The following SMOC2 variants were observed in gnomAD, a reference collection of about 807,000 sequenced individuals.
SMOC2 encodes the protein SPARC-related modular calcium-binding protein 2.
In SMOC2, 39 loss-of-function variants were observed where a neutral mutation model predicts 61.4. The ratio of observed to expected loss-of-function variants is 0.64; its 90% CI spans 0.49 to 0.83. The LOEUF is 0.83. SMOC2 is among the 40% of genes least tolerant of loss of function. The pLI, the probability that SMOC2 is intolerant of heterozygous loss-of-function variation, is 0.00. For synonymous variants in SMOC2, 247 were observed against 239.9 expected (o/e 1.03, Z -0.27); for missense variants, 556 against 592.9 (o/e 0.94, Z 0.65).
intron 1 of SMOC2, among the ~76,000 whole-genome samples, chr6:168,488,388 C>G (rs746549412): frequency 6.6e-6 from 1 of 152,230 alleles, no homozygotes; most frequent in Admixed American, 6.5e-5. Flanking sequence ...GCTGTAACAA[C>G]ATACCCAGAC....
chr6:168,477,738 A>T (rs1040345584), intron 1 of SMOC2, among the ~76,000 whole-genome samples: 2 of 152,124 alleles, frequency 1.3e-5, no homozygotes, highest in Admixed American at 6.5e-5. Flanking sequence ...GGAGGTGGGG[A>T]AAGTACTTTG....
At chr6:168,442,334 C>T (rs531928646) in intron 1 of SMOC2, among the ~76,000 whole-genome samples, 1 of 152,346 alleles carries the variant, frequency 6.6e-6, no homozygotes, top group East Asian at 1.9e-4. Flanking sequence ...CCAACGCACG[C>T]GGTGTCAAAC....
intron 1 of SMOC2, among the ~76,000 whole-genome samples, chr6:168,468,741 C>T (rs991174503): frequency 6.6e-6 from 1 of 152,078 alleles, no homozygotes; most frequent in African/African-American, 2.4e-5. Flanking sequence ...ACCATGTTGG[C>T]CAGGCTGGTC....
At chr6:168,536,407 A>G (rs1674345544) in intron 4 of SMOC2, among the ~76,000 whole-genome samples, 1 of 152,108 alleles carries the variant, frequency 6.6e-6, no homozygotes, top group African/African-American at 2.4e-5. Context: ...AGAGGCTGAC[A>G]GGAGCTGGCG....
intron 7 of SMOC2, among the ~76,000 whole-genome samples, chr6:168,558,601 G>A (rs544128838): frequency 2.0e-5 from 3 of 152,268 alleles, no homozygotes; most frequent in South Asian, 2.1e-4. Context: ...CCCACCTCCC[G>A]GAAAAGCCCC....
chr6:168,614,382 C>T (rs1321199480), intron 9 of SMOC2, among the ~76,000 whole-genome samples: 15 of 86,582 alleles, frequency 1.7e-4, no homozygotes, highest in African/African-American at 7.5e-4. Context: ...AGGGCCTCTT[C>T]ATACCTACAG....
At chr6:168,600,576 G>A (rs529980527) in intron 8 of SMOC2, among the ~76,000 whole-genome samples, 138 of 152,254 alleles carry the variant, frequency 9.1e-4, no homozygotes, top group African/African-American at 3.2e-3. Flanking sequence ...CCCCACTCAC[G>A]CCGGACGGAA....
intron 1 of SMOC2, among the ~76,000 whole-genome samples, chr6:168,493,821 A>G (rs1441606838): frequency 2.0e-5 from 3 of 152,146 alleles, no homozygotes; most frequent in Non-Finnish European, 2.9e-5. Context: ...ATTTCATCTG[A>G]ATATTTATTT....
In SMOC2 at chr6:168,560,054, C is replaced by G. The variant is rs117172875; in HGVS notation, c.637+10851C>G. Reference sequence around the variant, plus strand: ...AATGTGCACATGTGTATGTGTGTAACCACACATGTACTTCATAATTATTCT... The same window carrying G: ...AATGTGCACATGTGTATGTGTGTAAGCACACATGTACTTCATAATTATTCT... On this transcript the variant is annotated intron_variant, in intron 7 of 12. Coordinates refer to ENST00000356284, the MANE Select transcript of SMOC2 (RefSeq NM_001166412.2). Among the ~76,000 whole-genome samples, 97 of 152,316 alleles carry G rather than the reference C, an allele frequency of 6.4e-4. No individual in the cohort carries two copies. In the East Asian group the frequency reaches 0.019, roughly 29 times the overall value.
intron 2 of SMOC2, 115 bp from the exon 3 acceptor site, chr6:168,526,231 T>C: frequency 1.1e-6 from 1 of 892,072 alleles, no homozygotes; most frequent in Non-Finnish European, 1.8e-6. Context: ...CTTTCCAGCC[T>C]CCAGGTCCTC....
chr6:168,476,779 A>G (rs1234939871), intron 1 of SMOC2, among the ~76,000 whole-genome samples: 2 of 151,976 alleles, frequency 1.3e-5, no homozygotes, highest in Non-Finnish European at 2.9e-5. Context: ...TGCATTTCTG[A>G]TTTTTTCTTC....
At chr6:168,467,811 G>A (rs901031991) in intron 1 of SMOC2, among the ~76,000 whole-genome samples, 8 of 151,786 alleles carry the variant, frequency 5.3e-5, no homozygotes, top group African/African-American at 1.7e-4. Context: ...GAGTTTATTC[G>A]GTTACTTTTC....
At chr6:168,617,206 CAA>C (rs1362374012) in intron 9 of SMOC2, among the ~76,000 whole-genome samples, 1 of 152,076 alleles carries the variant, frequency 6.6e-6, no homozygotes, top group African/African-American at 2.4e-5. Flanking sequence ...CTCAAAAAAA[CAA>C]GAACAGGAAT....
intron 2 of SMOC2, among the ~76,000 whole-genome samples, chr6:168,525,885 T>C (rs1783441689): frequency 6.6e-6 from 1 of 152,206 alleles, no homozygotes; most frequent in Non-Finnish European, 1.5e-5. Context: ...CCCTTTGGTC[T>C]GTTTTTAATG....
chr6:168,532,599 A>C (rs896302622), intron 4 of SMOC2, among the ~76,000 whole-genome samples: 3 of 152,190 alleles, frequency 2.0e-5, no homozygotes, highest in Non-Finnish European at 2.9e-5. Flanking sequence ...GTGCACCCTG[A>C]CCAAGAGCTG....
At chr6:168,447,370 A>G (rs947728317) in intron 1 of SMOC2, among the ~76,000 whole-genome samples, 2 of 152,032 alleles carry the variant, frequency 1.3e-5, no homozygotes, top group Non-Finnish European at 2.9e-5. Flanking sequence ...CCCAAATTAG[A>G]AGAAACTTCC....
At chr6:168,635,503 T>A (rs1362440412) in intron 9 of SMOC2, among the ~76,000 whole-genome samples, 1 of 152,218 alleles carries the variant, frequency 6.6e-6, no homozygotes, top group Non-Finnish European at 1.5e-5. Context: ...AGAAACACTT[T>A]ATTTTTGGAG....
At chr6:168,466,266 T>C (rs1348273472) in intron 1 of SMOC2, among the ~76,000 whole-genome samples, 2 of 150,978 alleles carry the variant, frequency 1.3e-5, no homozygotes, top group Non-Finnish European at 2.9e-5. Flanking sequence ...GAGGTGCTGC[T>C]CTGAGAGCTG....
At chr6:168,520,140 T>A (rs1783294616) in intron 2 of SMOC2, among the ~76,000 whole-genome samples, 1 of 152,006 alleles carries the variant, frequency 6.6e-6, no homozygotes, top group South Asian at 2.1e-4. Context: ...ACCACTGGGG[T>A]TGGGGGCGCT....
Sources: gnomAD v4.1 joint callset for allele counts (sites outside exome capture counted in the v4.1 genomes callset) on GRCh38, gnomAD v4.1.1 for gene constraint, MANE v1.5 for transcripts, NCBI Gene and HGNC (gene_info 2026-07-23, HGNC 2026-07-21) for gene names.